The following SCAP variants were observed in gnomAD, a reference collection of about 807,000 sequenced individuals.
SCAP encodes the protein SREBF chaperone.
SCAP carries 65 observed loss-of-function variants against 123.6 expected under a neutral mutation model. The observed-to-expected ratio is 0.53, with a 90% CI of 0.43 to 0.65. The LOEUF (loss-of-function observed/expected upper bound fraction) is 0.65. Among genes scored for constraint, SCAP ranks in the 30% least tolerant of loss-of-function variants. The pLI, the probability that SCAP is intolerant of heterozygous loss-of-function variation, is 0.00. For missense variants in SCAP, 1,398 were observed against 1,712.5 expected (o/e 0.82, Z 3.24); for synonymous variants, 740 against 726.3 (o/e 1.02, Z -0.30).
At chr3:47,467,629 C>G (rs1247071044) in intron 1 of SCAP, among the ~76,000 whole-genome samples, 1 of 151,828 alleles carries the variant, frequency 6.6e-6, no homozygotes, top group East Asian at 1.9e-4. Context: ...AAAAAAAACC[C>G]AAACAACAAC....
intron 3 of SCAP, among the ~76,000 whole-genome samples, chr3:47,434,214 A>AG (rs1706478483): frequency 6.6e-6 from 1 of 152,324 alleles, no homozygotes; most frequent in South Asian, 2.1e-4. Context: ...GTCAGAGAGA[A>AG]GGGGGAGGAG....
At chr3:47,455,022 A>G (rs913702201) in intron 1 of SCAP, among the ~76,000 whole-genome samples, 5 of 147,552 alleles carry the variant, frequency 3.4e-5, no homozygotes, top group Admixed American at 2.1e-4. Context: ...TTTGCAAATG[A>G]TATTATGTAC....
At chr3:47,430,813 G>A (rs533601190) in intron 3 of SCAP, among the ~76,000 whole-genome samples, 18 of 152,300 alleles carry the variant, frequency 1.2e-4, no homozygotes, top group Non-Finnish European at 2.2e-4. Flanking sequence ...TGAGGGATGA[G>A]GGGCTGTCTC....
At position 47,422,654 on chromosome 3, in the gene SCAP, G is replaced by C. The variant is rs181718311; in HGVS notation, c.1151-118C>G. ...GGCAAGGCCCCCCAGCCCTTTGAAG[G>C]AGCCATTCCACCAAAGCACCCCAAC... On this transcript the variant is annotated intron_variant, in intron 9 of 22. Coordinates refer to ENST00000265565, the MANE Select transcript of SCAP (RefSeq NM_012235.4). 3.8e-6 allele frequency: 3 copies of C among 791,722 alleles called. No homozygotes were observed. In the South Asian group the frequency reaches 5.5e-5, roughly 15 times the overall value. 49.0% of individuals were successfully genotyped at this position (791,722 alleles called of 1,614,324 possible).
intron 1 of SCAP, among the ~76,000 whole-genome samples, chr3:47,470,177 G>T (rs1447128815): frequency 1.3e-5 from 2 of 152,208 alleles, no homozygotes; most frequent in Admixed American, 1.3e-4. Context: ...AGCCTTAAGA[G>T]AACTTGTTTT....
chr3:47,474,082 G>A (rs1370851469), intron 1 of SCAP, among the ~76,000 whole-genome samples: 11 of 151,996 alleles, frequency 7.2e-5, no homozygotes, highest in Non-Finnish European at 8.8e-5. Context: ...TGGCTAACAC[G>A]GTGAAACCCC....
intron 4 of SCAP, 132 bp from the exon 5 acceptor site, chr3:47,427,799 C>A: frequency 1.3e-6 from 1 of 743,376 alleles, no homozygotes. Flanking sequence ...AGAGCCTGAC[C>A]ACTAGGGCAG....
intron 2 of SCAP, among the ~76,000 whole-genome samples, chr3:47,435,469 T>TACACACACAC (rs57702290): frequency 0.011 from 1,019 of 91,898 alleles, 21 homozygotes; most frequent in African/African-American, 0.027. Context: ...AATATAAACA[T>TACACACACAC]ACACACACAC....
intron 3 of SCAP, among the ~76,000 whole-genome samples, chr3:47,434,507 G>A (rs750103879): frequency 2.1e-4 from 32 of 152,322 alleles, no homozygotes; most frequent in Middle Eastern, 3.4e-3. Context: ...CAGTCCAGAA[G>A]GAGGAGTGGG....
Position 47,417,798 on chromosome 3 carries a change from T to G in SCAP, c.2476A>C (p.Ser826Arg). The G allele has an allele frequency of 2.0e-6, 3 of 1,520,844 alleles. No homozygotes were observed. The highest frequency in any genetic ancestry group is 2.7e-6 in the Non-Finnish European group (3 of 1,131,320). 94.2% of individuals were successfully genotyped at this position (1,520,844 alleles called of 1,614,324 possible). Residue 826 changes from serine (S) to arginine (R), a missense_variant, in exon 17 of 23, where the codon AGC becomes CGC. Around this residue, in one of 7 missense-constraint regions of SCAP, gnomAD observed 828 missense variants for 882.5 expected, o/e 0.94. Coordinates refer to ENST00000265565, the MANE Select transcript of SCAP (RefSeq NM_012235.4). ...CAGCTCTCCTGAGCCTCAAGCCCGCTGCCCACGCCACTGTCCCGGCGCTGC... is the reference window on the plus strand; with the variant it reads ...CAGCTCTCCTGAGCCTCAAGCCCGCGGCCCACGCCACTGTCCCGGCGCTGC... ...GRQRRDSGVG[S>R]GLEAQESWER...
chr3:47,414,910 GCACTGTGTGGGTCAGGTGACAGGC>G lies in SCAP; in HGVS notation c.3199_3222del (p.Ala1067_Val1074del). 1.2e-6 allele frequency: 2 copies of G among 1,612,818 alleles called. No homozygotes were observed. The highest frequency in any genetic ancestry group is 1.7e-6 in the Non-Finnish European group (2 of 1,179,814). ...GTGATGGGTTTTTGGTGTGCACAGGGCACTGTGTGGGTCAGGTGACAGGCCACTGTGTCGCTGCTGCTGTACACT... is the reference window on the plus strand; with the variant it reads ...GTGATGGGTTTTTGGTGTGCACAGGGCACTGTGTCGCTGCTGCTGTACACT... On this transcript the variant is annotated inframe_deletion, in exon 20 of 23. Coordinates refer to ENST00000265565, the MANE Select transcript of SCAP (RefSeq NM_012235.4).
intron 18 of SCAP, 95 bp from the exon 19 acceptor site, chr3:47,415,275 A>T: frequency 8.8e-7 from 1 of 1,133,096 alleles, no homozygotes; most frequent in South Asian, 1.7e-5. Context: ...CAGTTCAAGA[A>T]GGCACAGGAG....
At chr3:47,466,811 G>A (rs766283000) in intron 1 of SCAP, among the ~76,000 whole-genome samples, 8 of 152,284 alleles carry the variant, frequency 5.3e-5, no homozygotes, top group Middle Eastern at 3.4e-3. Flanking sequence ...TTGGCCGGGC[G>A]TGGTGGCTCA....
chr3:47,417,388 C>A lies in SCAP; in HGVS notation c.2886G>T (p.Trp962Cys), dbSNP rs1278993006. ...AGATGGAACCCTCGGCACTGGGGGC[C>A]CAGGCGAGGGAAGGGGAGCCTTTCT... ...SPEKGSPSLA[W>C]APSAEGSIWS... The change falls in exon 17 of 23, where the codon TGG becomes TGT. Residue 962 changes from tryptophan to cysteine, a missense_variant. Physicochemically the swap from Trp to Cys is radical, Grantham distance 215 (BLOSUM62 -2). Coordinates refer to ENST00000265565, the MANE Select transcript of SCAP (RefSeq NM_012235.4). 1.3e-6 allele frequency: 2 copies of A among 1,598,422 alleles called. No homozygotes were observed. The highest frequency in any genetic ancestry group is 1.7e-6 in the Non-Finnish European group (2 of 1,173,742).
At chr3:47,440,400 A>G (rs1039366278) in intron 2 of SCAP, among the ~76,000 whole-genome samples, 10 of 152,134 alleles carry the variant, frequency 6.6e-5, no homozygotes, top group African/African-American at 2.2e-4. Context: ...CCCAGAATCT[A>G]TGGATTCTCT....
intron 1 of SCAP, among the ~76,000 whole-genome samples, chr3:47,474,110 A>C (rs978942994): frequency 6.6e-6 from 1 of 152,232 alleles, no homozygotes; most frequent in East Asian, 1.9e-4. Flanking sequence ...CTAAAAATAC[A>C]AAAAAGTAGC....
intron 1 of SCAP, among the ~76,000 whole-genome samples, chr3:47,460,887 G>A (rs577319711): frequency 2.0e-5 from 3 of 152,280 alleles, no homozygotes; most frequent in Admixed American, 2.0e-4. Flanking sequence ...GCATGGAAGA[G>A]GGTTCCAAAC....
At chr3:47,427,698 G>T in intron 4 of SCAP, 31 bp from the exon 5 acceptor site, 1 of 1,588,680 alleles carries the variant, frequency 6.3e-7, no homozygotes, top group Non-Finnish European at 8.6e-7. Flanking sequence ...GGCACCTGCT[G>T]TGTCTGCCAC....
chr3:47,419,346 T>C lies in SCAP; in HGVS notation c.1922A>G (p.Asn641Ser), dbSNP rs764720864. Residue 641 changes from asparagine (N) to serine (S), a missense_variant, in exon 13 of 23, where the codon AAC becomes AGC. This residue lies in a region of SCAP where 828 missense variants were observed against 882.5 expected (regional missense o/e 0.94). Transcript: ENST00000265565. The surrounding 1 kb of genome is among the most constrained non-coding windows in gnomAD (Gnocchi z 5.0). ...AGCTCACCTCTTGGCCAGTGTGATG[T>C]TGTAATAGCTGAAGAGCGTCGGCCA... ...RHWPTLFSYY[N>S]ITLAKRYISL... 14 of 1,611,974 alleles carry C rather than the reference T, an allele frequency of 8.7e-6. No individual in the cohort carries two copies. The highest frequency in any genetic ancestry group is 2.7e-5 in the African/African-American group (2 of 74,900).
Sources: gnomAD v4.1 joint callset for allele counts (sites outside exome capture counted in the v4.1 genomes callset) on GRCh38, gnomAD v4.1.1 for gene constraint, gnomAD v4.1.1 regional missense constraint, Gnocchi (gnomAD v3.1) non-coding constraint, MANE v1.5 for transcripts, NCBI Gene and HGNC (gene_info 2026-07-23, HGNC 2026-07-21) for gene names.